SHROOM2: variants seen among roughly 807,000 people sequenced by gnomAD.
SHROOM2 encodes protein Shroom2.
SHROOM2 carries 33 observed loss-of-function variants against 75.9 expected under a neutral mutation model. That is an observed-to-expected ratio of 0.43 (90% CI 0.33 to 0.58). The LOEUF is 0.58. Among genes scored for constraint, SHROOM2 ranks in the 20% least tolerant of loss-of-function variants. The pLI is 0.04. For synonymous variants in SHROOM2, 655 were observed against 663.6 expected (o/e 0.99, Z 0.20); for missense variants, 1,434 against 1,461.2 (o/e 0.98, Z 0.30).
At chrX:9,884,121 C>A (rs960556069) in intron 2 of SHROOM2, among the ~76,000 whole-genome samples, 1 of 111,493 alleles carries the variant, frequency 9.0e-6, no homozygotes, top group Non-Finnish European at 1.9e-5. Context: ...ACCAACACCC[C>A]CCGCCCCCCA....
At chrX:9,935,936 A>T (rs999769050) in intron 6 of SHROOM2, among the ~76,000 whole-genome samples, 2 of 110,769 alleles carry the variant, frequency 1.8e-5, no homozygotes, top group Non-Finnish European at 3.8e-5. Flanking sequence ...CTTGGCTGAG[A>T]TGGCCCTGGT....
chrX:9,815,550 ATATC>A (rs936180983), intron 1 of SHROOM2, among the ~76,000 whole-genome samples: 5 of 101,612 alleles, frequency 4.9e-5, no homozygotes, highest in African/African-American at 1.8e-4. Context: ...TATATATCCT[ATATC>A]TATCCTATAT....
intron 1 of SHROOM2, 121 bp from the exon 2 acceptor site, chrX:9,873,531 G>C: frequency 3.7e-6 from 3 of 808,122 alleles, no homozygotes; most frequent in Non-Finnish European, 3.6e-6. Context: ...GTGGTAATAA[G>C]GTCAGCCCCC....
chrX:9,887,027 C>T lies in SHROOM2; in HGVS notation c.318-3950C>T, dbSNP rs73474577. On this transcript the variant is annotated intron_variant, in intron 2 of 9. Coordinates refer to ENST00000380913, the MANE Select transcript of SHROOM2 (RefSeq NM_001649.4). Reference sequence around the variant, plus strand: ...CAACAGAATGATTTTGGTCCAGGAACGGGATTGTTTAGCCTTCTCAGCTGC... The same window carrying T: ...CAACAGAATGATTTTGGTCCAGGAATGGGATTGTTTAGCCTTCTCAGCTGC... Among the ~76,000 whole-genome samples, 677 of 112,233 alleles carry T rather than the reference C, an allele frequency of 6.0e-3. 6 individuals are homozygous for T. Among genetic ancestry groups the T allele is most frequent in the African/African-American group, 0.021 (644 of 30,891 alleles).
intron 5 of SHROOM2, among the ~76,000 whole-genome samples, chrX:9,931,951 T>C (rs1438693463): frequency 9.0e-6 from 1 of 110,552 alleles, no homozygotes; most frequent in South Asian, 4.0e-4. Context: ...GAATGCTTCA[T>C]GTTCCCTTGT....
At chrX:9,904,802 A>G (rs1238754961) in intron 5 of SHROOM2, among the ~76,000 whole-genome samples, 2 of 112,134 alleles carry the variant, frequency 1.8e-5, no homozygotes, top group Admixed American at 1.9e-4. Flanking sequence ...GTCCTAGTCC[A>G]GTCCTCCACC....
intron 7 of SHROOM2, among the ~76,000 whole-genome samples, chrX:9,938,159 C>G (rs1251867116): frequency 9.0e-6 from 1 of 111,375 alleles, no homozygotes; most frequent in Non-Finnish European, 1.9e-5. Context: ...CTAGTGCCAA[C>G]ATGAGAATGA....
In SHROOM2 at chrX:9,895,237, T is replaced by C. The variant is rs1324607167; in HGVS notation, c.1329T>C (p.Leu443=). 1 of 1,195,222 alleles carries C rather than the reference T, an allele frequency of 8.4e-7. No individual in the cohort carries two copies. The highest frequency in any genetic ancestry group is 2.3e-5 in the Admixed American group (1 of 44,338). The change falls in exon 4 of 10, where the codon CTT becomes CTC. Residue 443 remains leucine (L), a synonymous_variant. Coordinates refer to ENST00000380913, the MANE Select transcript of SHROOM2 (RefSeq NM_001649.4). ...ACAGCCCCCTCTGTGCTGACAGCCT[T>C]GGGCAGGAGCCAGGGGCTGCCAGCT... ...SDHSPLCADS[L]GQEPGAASFQ...
intron 7 of SHROOM2, among the ~76,000 whole-genome samples, 164 bp from the exon 8 acceptor site, chrX:9,939,031 T>C (rs1602024832): frequency 8.9e-6 from 1 of 112,350 alleles, no homozygotes; most frequent in Non-Finnish European, 1.9e-5. Context: ...TTTTTAGTTT[T>C]AACCTTGTTA....
At chrX:9,827,803 A>G (rs1221732708) in intron 1 of SHROOM2, among the ~76,000 whole-genome samples, 2 of 110,428 alleles carry the variant, frequency 1.8e-5, no homozygotes, top group African/African-American at 6.6e-5. Flanking sequence ...CTGAGAGAAT[A>G]GGGTCCTTCC....
intron 5 of SHROOM2, among the ~76,000 whole-genome samples, chrX:9,910,953 G>C (rs1299798697): frequency 9.0e-6 from 1 of 110,906 alleles, no homozygotes; most frequent in Non-Finnish European, 1.9e-5. Flanking sequence ...AAAAGTGCTG[G>C]GGTTATAGGC....
In SHROOM2 at chrX:9,932,474, G is replaced by A; in HGVS notation, c.3191G>A (p.Arg1064Lys). ...CTCTCCAAGAGGCCAGCCCCACAGA[G>A]GCCACCGCCACCCAAGCGCGAGCCC... is the stretch of plus-strand genomic sequence containing the variant. Reference protein sequence around the residue: ...ALLSKRPAPQRPPPPKREPRR... With the variant: ...ALLSKRPAPQKPPPPKREPRR... The change falls in exon 6 of 10, where the codon AGG becomes AAG. Residue 1064 changes from arginine (R) to lysine (K), a missense_variant. Transcript: ENST00000380913. 5 of 1,207,837 alleles carry A rather than the reference G, an allele frequency of 4.1e-6. No homozygotes were observed. The highest frequency in any genetic ancestry group is 5.6e-6 in the Non-Finnish European group (5 of 893,211).
chrX:9,856,237 A>C (rs2084069709), intron 1 of SHROOM2, among the ~76,000 whole-genome samples: 1 of 110,615 alleles, frequency 9.0e-6, no homozygotes, highest in Non-Finnish European at 1.9e-5. Context: ...TTCTAACAAG[A>C]GTTCAGCATG....
At chrX:9,849,697 G>C (rs1364010906) in intron 1 of SHROOM2, among the ~76,000 whole-genome samples, 1 of 111,421 alleles carries the variant, frequency 9.0e-6, no homozygotes, top group Admixed American at 9.6e-5. Flanking sequence ...TCTCGCTCTG[G>C]GGTAGAAGGA....
intron 1 of SHROOM2, among the ~76,000 whole-genome samples, chrX:9,834,107 C>G (rs1285241849): frequency 8.9e-6 from 1 of 112,357 alleles, no homozygotes. Flanking sequence ...GGGTGGAGAG[C>G]AGGGATGCTG....
chrX:9,820,373 C>A (rs1017666323), intron 1 of SHROOM2, among the ~76,000 whole-genome samples: 1 of 108,602 alleles, frequency 9.2e-6, no homozygotes, highest in Admixed American at 1.0e-4. Flanking sequence ...ATTCCTCCCC[C>A]ACCCTTTTTT....
At chrX:9,791,275 A>T in intron 1 of SHROOM2, among the ~76,000 whole-genome samples, 1 of 111,603 alleles carries the variant, frequency 9.0e-6, no homozygotes, top group East Asian at 2.8e-4. Context: ...TTTGTAATTC[A>T]TGGTCAAAAA....
intron 1 of SHROOM2, among the ~76,000 whole-genome samples, chrX:9,807,953 G>A (rs1243011382): frequency 9.0e-6 from 1 of 111,683 alleles, no homozygotes; most frequent in Non-Finnish European, 1.9e-5. Flanking sequence ...CCTGACTTGT[G>A]ACCATCCTGG....
At chrX:9,868,131 T>C (rs1211236630) in intron 1 of SHROOM2, among the ~76,000 whole-genome samples, 4 of 111,956 alleles carry the variant, frequency 3.6e-5, no homozygotes, top group Non-Finnish European at 7.5e-5. Flanking sequence ...CCATGAGTCT[T>C]TATGGTTTTG....
Sources: gnomAD v4.1 joint callset for allele counts (sites outside exome capture counted in the v4.1 genomes callset) on GRCh38, gnomAD v4.1.1 for gene constraint, MANE v1.5 for transcripts, NCBI Gene and HGNC (gene_info 2026-07-23, HGNC 2026-07-21) for gene names.